Variants in TMEM25 observed in about 807,000 individuals in gnomAD.
TMEM25 encodes the protein transmembrane protein 25.
Under a neutral mutation model 37.0 loss-of-function variants are expected in TMEM25, and 36 were observed. The observed-to-expected ratio is 0.97, with a 90% confidence interval of 0.75 to 1.28. The LOEUF (loss-of-function observed/expected upper bound fraction) is 1.28. TMEM25 is among the 50% of genes most tolerant of loss of function. The probability of loss-of-function intolerance (pLI) is 0.00; values close to 1 mark genes in which losing one functional copy is unlikely to be tolerated. For missense variants in TMEM25, 444 were observed against 477.9 expected, an observed-to-expected ratio of 0.93 and a Z score of 0.66; for synonymous variants, 197 against 203.7, an observed-to-expected ratio of 0.97 and a Z score of 0.28.
chr11:118,546,325 C>G (rs1555067139), exon 9 of TMEM25: 1 of 589,142 alleles, frequency 1.7e-6, no homozygotes, highest in Non-Finnish European at 3.1e-6. Context: ...TGGTGAAATT[C>G]CATCTCTACA....
At chr11:118,545,720 T>C in intron 8 of TMEM25, 1 of 1,470,960 alleles carries the variant, frequency 6.8e-7, no homozygotes, top group Non-Finnish European at 9.5e-7. Flanking sequence ...CTTCCCAGAG[T>C]AAACAAGCCT....
Position 118,533,810 on chromosome 11 carries a change from G to T in TMEM25, c.806-47G>T, listed in dbSNP as rs182084396. On this transcript the variant is annotated intron_variant, in intron 5 of 8. Transcript: ENST00000313236. ...GTCTGAAAGGGTAGGACAGCCCAGC[G>T]TGGGAGGGCACACTGAGAATTAGGG... The T allele has an allele frequency of 5.6e-6, 9 of 1,613,386 alleles. No homozygotes were observed. The East Asian group carries it at 2.0e-4, about 36-fold the overall frequency.
At chr11:118,544,928 T>TAATGTCTC in intron 8 of TMEM25, 1 of 1,612,622 alleles carries the variant, frequency 6.2e-7, no homozygotes, top group South Asian at 1.1e-5. Context: ...AGCTGAAGGT[T>TAATGTCTC]AATGTCTCCA....
In TMEM25 at chr11:118,534,969, G is replaced by T; in HGVS notation, c.*389G>T. On this transcript the variant is annotated 3_prime_UTR_variant, in exon 9 of 9. Coordinates refer to ENST00000313236, the MANE Select transcript of TMEM25 (RefSeq NM_032780.4). The surrounding 1 kb of genome is among the most constrained non-coding windows in gnomAD (Gnocchi z 4.6). The stretch of plus-strand genomic sequence containing the variant: ...ACAGCACCTTGTACAGTAGGCATGG[G>T]GGCGTGCCTGTGTGGGGGACAGGGA... 9.4e-7 allele frequency: 1 copy of T among 1,062,368 alleles called. No individual in the cohort carries two copies. Among genetic ancestry groups the T allele is most frequent in the Non-Finnish European group, 1.1e-6 (1 of 878,168 alleles). The allele number at this position is 1,062,368 out of a possible 1,614,324, so 65.8% of individuals were successfully genotyped here.
downstream of TMEM25, among the ~76,000 whole-genome samples, chr11:118,536,707 C>G (rs781808411): frequency 5.3e-5 from 8 of 152,226 alleles, no homozygotes; most frequent in Admixed American, 2.0e-4. Flanking sequence ...TTGGTCCTCA[C>G]TCAGCTGCTT....
Position 118,534,122 on chromosome 11 carries a change from T to C in TMEM25, c.930T>C (p.Asp310=), listed in dbSNP as rs563773002. 2 of 1,614,134 alleles carry C rather than the reference T, an allele frequency of 1.2e-6. No homozygotes were observed. The highest frequency in any genetic ancestry group is 1.7e-6 in the Non-Finnish European group (2 of 1,179,974). Residue 310 remains aspartate (D), a synonymous_variant, in exon 7 of 9, where the codon GAT becomes GAC. Coordinates refer to ENST00000313236, the MANE Select transcript of TMEM25 (RefSeq NM_032780.4). The surrounding 1 kb of genome is among the most constrained non-coding windows in gnomAD (Gnocchi z 4.6). ...TTCAGCTCAATGACCTCACTCCAGA[T>C]TCCAGAGGTATATCTAGGGCCCTGC... is the stretch of plus-strand genomic sequence containing the variant. ...SNLQLNDLTP[D]SRAVKPADRQ... is the part of the protein sequence containing the mutation.
intron 8 of TMEM25, chr11:118,546,017 A>C: frequency 1.4e-6 from 1 of 713,766 alleles, no homozygotes. Context: ...CCTGTACTTC[A>C]GAATGTGACT....
chr11:118,545,887 G>A (rs1951671978), intron 8 of TMEM25: 1 of 1,596,288 alleles, frequency 6.3e-7, no homozygotes, highest in African/African-American at 1.3e-5. Context: ...AAGTCAAAAG[G>A]ATGGTGTCAG....
In TMEM25 at chr11:118,535,007, G is replaced by T; in HGVS notation, c.*427G>T. 3.8e-6 allele frequency: 4 copies of T among 1,047,496 alleles called. No individual in the cohort carries two copies. The highest frequency in any genetic ancestry group is 4.6e-6 in the Non-Finnish European group (4 of 868,740). 64.9% of individuals were successfully genotyped at this position (1,047,496 alleles called of 1,614,324 possible). The stretch of plus-strand genomic sequence containing the variant: ...TGGGGGACAGGGAGGGCCCTGCATG[G>T]ATTTTCCTCCTTCCTATGCTATGTA... On this transcript the variant is annotated 3_prime_UTR_variant, in exon 9 of 9. Transcript: ENST00000313236.
intron 5 of TMEM25, 46 bp from the exon 6 acceptor site, chr11:118,533,811 T>C: frequency 1.2e-6 from 2 of 1,613,410 alleles, no homozygotes; most frequent in Non-Finnish European, 1.7e-6. Context: ...CAGCCCAGCG[T>C]GGGAGGGCAC....
In TMEM25 at chr11:118,532,383, C is replaced by A; in HGVS notation, c.304C>A (p.Gln102Lys). ...CTTCACTGTCACTGCCCATCGGGCC[C>A]AGCATGAGCTCAACTGCTCTCTGCA... ...STFTVTAHRA[Q>K]HELNCSLQDP... Residue 102 changes from glutamine to lysine, a missense_variant, in exon 3 of 9, where the codon CAG becomes AAG. By Grantham distance (53) the Gln-to-Lys change is moderately conservative (BLOSUM62 1). Transcript: ENST00000313236. 1.2e-6 allele frequency: 2 copies of A among 1,614,178 alleles called. No individual in the cohort carries two copies. Among genetic ancestry groups the A allele is most frequent in the Non-Finnish European group, 1.7e-6 (2 of 1,180,024 alleles).
intron 8 of TMEM25, chr11:118,545,597 A>T: frequency 8.7e-7 from 1 of 1,144,196 alleles, no homozygotes; most frequent in Non-Finnish European, 1.3e-6. Flanking sequence ...GGGTGTCGCT[A>T]TGACTTTGGG....
downstream of TMEM25, among the ~76,000 whole-genome samples, chr11:118,536,500 T>C (rs1180370025): frequency 6.6e-6 from 1 of 152,196 alleles, no homozygotes; most frequent in Non-Finnish European, 1.5e-5. Context: ...CGGCCTAATA[T>C]GTTTTTTAAA....
chr11:118,537,114 GTGGAT>G (rs1951520753), downstream of TMEM25, among the ~76,000 whole-genome samples: 1 of 152,186 alleles, frequency 6.6e-6, no homozygotes, highest in Non-Finnish European at 1.5e-5. Flanking sequence ...GCCGAGGCGG[GTGGAT>G]TGCCTGAGCT....
chr11:118,544,725 C>A, intron 8 of TMEM25: 1 of 551,194 alleles, frequency 1.8e-6, no homozygotes. Context: ...CCGGGGACAG[C>A]AATCTGAGGC....
In TMEM25 at chr11:118,542,101, T is replaced by C. The variant is rs540539996; in HGVS notation, c.1028-4018T>C. Among the ~76,000 whole-genome samples the C allele has an allele frequency of 1.6e-3, 244 of 152,330 alleles. 1 individual carries two copies. Among genetic ancestry groups the C allele is most frequent in the African/African-American group, 5.8e-3 (241 of 41,582 alleles). ...GTAAGAACATGCACTGTTTGGTTTT[T>C]TGTTCCTGCGTTAATTCGCTTAGAA... On this transcript the variant is annotated intron_variant, in intron 8 of 8. Transcript: ENST00000354284.
Position 118,534,720 on chromosome 11 carries a change from T to A in TMEM25, c.*140T>A, listed in dbSNP as rs1423632387. 1 of 1,470,912 alleles carries A rather than the reference T, an allele frequency of 6.8e-7. No homozygotes were observed. Among genetic ancestry groups the A allele is most frequent in the Non-Finnish European group, 9.0e-7 (1 of 1,110,216 alleles). 91.1% of individuals were successfully genotyped at this position (1,470,912 alleles called of 1,614,324 possible). ...GCTTGCCCTCCTGGCTGGGGTGCCC[T>A]CCATGTCATGCACGTGATGCATTTC... On this transcript the variant is annotated 3_prime_UTR_variant, in exon 9 of 9. Transcript: ENST00000313236. The surrounding 1 kb of genome is among the most constrained non-coding windows in gnomAD (Gnocchi z 4.6).
At chr11:118,541,842 C>T (rs553312311) in intron 8 of TMEM25, among the ~76,000 whole-genome samples, 66 of 152,284 alleles carry the variant, frequency 4.3e-4, no homozygotes, top group African/African-American at 1.5e-3. Flanking sequence ...ACTGCAGCCT[C>T]GACCTCCCGG....
chr11:118,538,458 C>T (rs1026911027), downstream of TMEM25, among the ~76,000 whole-genome samples: 44 of 152,170 alleles, frequency 2.9e-4, no homozygotes, highest in East Asian at 1.4e-3. Flanking sequence ...TGAGCCACTG[C>T]GCCAGGCTTT....
Sources: allele counts gnomAD v4.1 joint callset (sites outside exome capture counted in the v4.1 genomes callset), GRCh38; gene constraint gnomAD v4.1.1; non-coding constraint Gnocchi (gnomAD v3.1); transcripts MANE v1.5; gene names NCBI Gene and HGNC (gene_info 2026-07-23, HGNC 2026-07-21).